The following CDC14B variants were observed in gnomAD, a reference collection of about 807,000 sequenced individuals.
CDC14B encodes the protein dual specificity protein phosphatase CDC14B.
A neutral mutation model predicts 64.2 loss-of-function variants in CDC14B; 22 were observed. The observed-to-expected ratio is 0.34, with a 90% CI of 0.24 to 0.49. CDC14B has a LOEUF of 0.49. CDC14B is among the 20% of genes least tolerant of loss of function. The probability of loss-of-function intolerance (pLI) is 0.99; values close to 1 mark genes in which losing one functional copy is unlikely to be tolerated. For synonymous variants in CDC14B, 191 were observed against 215.8 expected, an observed-to-expected ratio of 0.89 and a Z score of 1.01; for missense variants, 498 against 629.9, an observed-to-expected ratio of 0.79 and a Z score of 2.24.
At chr9:96,547,713 G>A (rs1445978141) in intron 5 of CDC14B, among the ~76,000 whole-genome samples, 3 of 152,162 alleles carry the variant, frequency 2.0e-5, no homozygotes, top group East Asian at 1.9e-4. Flanking sequence ...TCAGCCTTCC[G>A]AAGTGCTGGA....
At chr9:96,571,178 A>T (rs1025660170) in intron 1 of CDC14B, among the ~76,000 whole-genome samples, 48 of 150,704 alleles carry the variant, frequency 3.2e-4, no homozygotes, top group Admixed American at 9.2e-4. Context: ...ACGAAAAAAA[A>T]ATTTTTTTTT....
Position 96,509,782 on chromosome 9 carries a change from G to T in CDC14B, c.1351C>A (p.Leu451Ile), listed in dbSNP as rs1238771287. Residue 451 changes from leucine (L) to isoleucine (I), a missense_variant, in exon 13 of 14, where the codon CTT becomes ATT. Transcript: ENST00000375241. ...KTNAIPLTVI[L>I]QSSVQSCKTS... ...TTACAGCTCTGAACACTGGATTGAAGAATTACTCTGAAAATAGTTGGAAAA... is the reference window on the plus strand; with the variant it reads ...TTACAGCTCTGAACACTGGATTGAATAATTACTCTGAAAATAGTTGGAAAA... 1.3e-6 allele frequency: 2 copies of T among 1,577,828 alleles called. No individual in the cohort carries two copies. Among genetic ancestry groups the T allele is most frequent in the East Asian group, 2.2e-5 (1 of 44,590 alleles).
chr9:96,551,110 G>GTTTTTTTTTT (rs1841741325), intron 5 of CDC14B, among the ~76,000 whole-genome samples: 4 of 65,972 alleles, frequency 6.1e-5, no homozygotes, highest in African/African-American at 3.4e-4. Context: ...TTTGGGGTTT[G>GTTTTTTTTTT]CTTTTTTTTT....
intron 1 of CDC14B, among the ~76,000 whole-genome samples, chr9:96,582,474 G>A (rs1845213253): frequency 6.6e-6 from 1 of 152,132 alleles, no homozygotes. Flanking sequence ...CTTTTAAAAA[G>A]TTCTAAGTTG....
chr9:96,576,917 A>C (rs1844844359), intron 1 of CDC14B, among the ~76,000 whole-genome samples: 1 of 152,186 alleles, frequency 6.6e-6, no homozygotes. Context: ...GGAAAGCAGA[A>C]ACCATACACA....
intron 12 of CDC14B, among the ~76,000 whole-genome samples, chr9:96,510,896 C>A (rs1834821038): frequency 6.6e-6 from 1 of 152,194 alleles, no homozygotes; most frequent in African/African-American, 2.4e-5. Flanking sequence ...GTGTGAGCCA[C>A]CACACCAGGC....
chr9:96,566,807 C>T (rs973558707), intron 1 of CDC14B: 1 of 1,606,450 alleles, frequency 6.2e-7, no homozygotes, highest in Non-Finnish European at 8.5e-7. Flanking sequence ...CCCGCGCCCT[C>T]CCGGCTCATG....
intron 1 of CDC14B, among the ~76,000 whole-genome samples, chr9:96,605,828 T>C (rs936776909): frequency 3.3e-5 from 5 of 151,758 alleles, no homozygotes; most frequent in Non-Finnish European, 7.4e-5. Context: ...GCCACTGCAC[T>C]CCAGCCTGTG....
chr9:96,494,823 TCTCCC>T (rs10570859), intron 13 of CDC14B, among the ~76,000 whole-genome samples: 22,696 of 114,232 alleles, frequency 0.2, 2,313 homozygotes, highest in African/African-American at 0.26. Context: ...TCCCATCCCG[TCTCCC>T]CTCCCCTCCC....
chr9:96,538,093 G>A (rs779784247), intron 7 of CDC14B, among the ~76,000 whole-genome samples: 1 of 152,128 alleles, frequency 6.6e-6, no homozygotes, highest in Non-Finnish European at 1.5e-5. Flanking sequence ...CTGACAAACC[G>A]AAGGTTATGG....
At position 96,523,589 on chromosome 9, in the gene CDC14B, C is replaced by T. The variant is rs202016875; in HGVS notation, c.1083G>A (p.Val361=). The T allele has an allele frequency of 1.9e-6, 3 of 1,614,188 alleles. No individual in the cohort carries two copies. The highest frequency in any genetic ancestry group is 2.5e-6 in the Non-Finnish European group (3 of 1,180,040). Residue 361 remains valine (V), a splice_region_variant and synonymous_variant, in exon 10 of 14, where the codon GTG becomes GTA. Coordinates refer to ENST00000375241, the MANE Select transcript of CDC14B (RefSeq NM_033331.4). Reference sequence around the variant, plus strand: ...TACAGACGTAGGCTACTACTTACATCACCAAAAACTGCTGCTGAGGCCCAA... The same window carrying T: ...TACAGACGTAGGCTACTACTTACATTACCAAAAACTGCTGCTGAGGCCCAA... The part of the protein sequence containing the change: ...SVIGPQQQFL[V]MKQTNLWLEG...
intron 12 of CDC14B, among the ~76,000 whole-genome samples, chr9:96,519,762 A>C (rs1187877618): frequency 1.3e-5 from 2 of 151,404 alleles, no homozygotes; most frequent in Non-Finnish European, 2.9e-5. Context: ...AAGAGAAACC[A>C]ATCATTGGAA....
At chr9:96,618,451 G>C (rs746455045) in intron 1 of CDC14B, 7 of 531,436 alleles carry the variant, frequency 1.3e-5, no homozygotes, top group Non-Finnish European at 2.7e-5. Flanking sequence ...AAGAACAGTC[G>C]AATCAGCACT....
At chr9:96,525,412 A>AC (rs1038710213) in intron 9 of CDC14B, among the ~76,000 whole-genome samples, 2 of 142,690 alleles carry the variant, frequency 1.4e-5, no homozygotes, top group African/African-American at 2.6e-5. Flanking sequence ...CAATTTAGAG[A>AC]CCCCCAGTGC....
At position 96,523,707 on chromosome 9, in the gene CDC14B, C is replaced by A; in HGVS notation, c.965G>T (p.Gly322Val). 6.2e-7 allele frequency: 1 copy of A among 1,613,214 alleles called. No homozygotes were observed. Among genetic ancestry groups the A allele is most frequent in the East Asian group, 2.2e-5 (1 of 44,838 alleles). Residue 322 changes from glycine (G) to valine (V), a missense_variant, in exon 10 of 14, where the codon GGC (glycine) becomes GTC (valine). Physicochemically the swap from Gly to Val is moderately radical, Grantham distance 109. Transcript: ENST00000375241. The part of the protein sequence containing the change: ...VHCKAGLGRT[G>V]TLIACYIMKH... ...CATGATGTAGCAGGCTATCAGAGTG[C>A]CCGTGCGACCAAGGCCAGCTAGGAA...
chr9:96,578,318 A>T (rs2118242158), intron 1 of CDC14B, among the ~76,000 whole-genome samples: 1 of 152,358 alleles, frequency 6.6e-6, no homozygotes, highest in South Asian at 2.1e-4. Flanking sequence ...CTCTCCAAGA[A>T]GTGATGCTTA....
chr9:96,616,738 ACT>A (rs1286689718), intron 1 of CDC14B, among the ~76,000 whole-genome samples: 1 of 151,902 alleles, frequency 6.6e-6, no homozygotes, highest in Non-Finnish European at 1.5e-5. Context: ...AAAAAAAAAA[ACT>A]CATTTGATAA....
intron 13 of CDC14B, among the ~76,000 whole-genome samples, chr9:96,505,571 T>C (rs990545968): frequency 6.6e-6 from 1 of 152,210 alleles, no homozygotes; most frequent in Non-Finnish European, 1.5e-5. Flanking sequence ...AGAGAGGTCA[T>C]GTGAGAACAC....
chr9:96,498,366 C>T (rs943625397), downstream of CDC14B, among the ~76,000 whole-genome samples: 3 of 152,210 alleles, frequency 2.0e-5, no homozygotes, highest in Admixed American at 6.5e-5. Flanking sequence ...ACAGAAGTGG[C>T]GGAGCTGGGG....
Sources: allele counts gnomAD v4.1 joint callset (sites outside exome capture counted in the v4.1 genomes callset), GRCh38; gene constraint gnomAD v4.1.1; transcripts MANE v1.5; gene names NCBI Gene and HGNC (gene_info 2026-07-23, HGNC 2026-07-21).